Variants in CLASP1 observed in about 807,000 individuals in gnomAD.
The protein encoded by CLASP1 is cytoplasmic linker associated protein 1.
A neutral mutation model predicts 192.3 loss-of-function variants in CLASP1; 38 were observed. That is an observed-to-expected ratio of 0.20 (90% CI 0.15 to 0.26). The LOEUF (loss-of-function observed/expected upper bound fraction) is 0.26, where lower values mean the gene tolerates loss of function less well. Among genes scored for constraint, CLASP1 ranks in the 10% least tolerant of loss-of-function variants. CLASP1 has a pLI of 1.00. For missense variants in CLASP1, 1,433 were observed against 1,932.5 expected, an observed-to-expected ratio of 0.74 and a Z score of 4.85; for synonymous variants, 691 against 712.8, an observed-to-expected ratio of 0.97 and a Z score of 0.49.
At chr2:121,514,746 C>T (rs1271946627) in intron 7 of CLASP1, among the ~76,000 whole-genome samples, 2 of 152,294 alleles carry the variant, frequency 1.3e-5, no homozygotes, top group East Asian at 1.9e-4. Flanking sequence ...CAGTTGACTC[C>T]TGTATATTTC....
At chr2:121,492,835 A>C (rs573444466) in intron 8 of CLASP1, among the ~76,000 whole-genome samples, 5 of 152,286 alleles carry the variant, frequency 3.3e-5, no homozygotes, top group African/African-American at 4.8e-5. Flanking sequence ...CTGGATATAC[A>C]CTCAAAAGAA....
chr2:121,602,167 T>G lies in CLASP1; in HGVS notation c.195+3534A>C, dbSNP rs574927219. On this transcript the variant is annotated intron_variant, in intron 2 of 39. Coordinates refer to ENST00000263710, the Ensembl canonical transcript of CLASP1. ...TCCAGCCTGGGCAAAAGAGCAACAC[T>G]CCATCTCAAAAAAAAAAAAAGAAGA... 1.4e-4 allele frequency among the ~76,000 whole-genome samples: 19 copies of G among 133,576 alleles called. No homozygotes were observed. The South Asian group carries it at 2.8e-3, about 20-fold the overall frequency. The allele number at this position is 133,576 out of a possible 152,430, so 87.6% of individuals were successfully genotyped here.
intron 8 of CLASP1, among the ~76,000 whole-genome samples, chr2:121,486,423 T>C (rs1249459703): frequency 1.3e-5 from 2 of 152,214 alleles, no homozygotes. Context: ...CTGAGTGTCA[T>C]ATTACATAAG....
At chr2:121,433,458 A>C (rs965997540) in intron 19 of CLASP1, among the ~76,000 whole-genome samples, 1 of 152,170 alleles carries the variant, frequency 6.6e-6, no homozygotes, top group African/African-American at 2.4e-5. Context: ...TACATTAATA[A>C]ATTTTAAAGT....
At chr2:121,356,949 GAGATGCTGC>G (rs57399100) in intron 37 of CLASP1, among the ~76,000 whole-genome samples, 30,605 of 152,014 alleles carry the variant, frequency 0.2, 5,744 homozygotes, top group African/African-American at 0.5. Context: ...TGCTGTCCTG[GAGATGCTGC>G]AGAGGCTGGG....
intron 8 of CLASP1, among the ~76,000 whole-genome samples, chr2:121,471,014 A>G (rs1188156341): frequency 6.6e-6 from 1 of 152,248 alleles, no homozygotes; most frequent in Non-Finnish European, 1.5e-5. Context: ...AAATTTTAAA[A>G]AAACACAGCT....
intron 8 of CLASP1, among the ~76,000 whole-genome samples, chr2:121,474,841 A>G (rs2091399231): frequency 6.6e-6 from 1 of 152,208 alleles, no homozygotes; most frequent in Non-Finnish European, 1.5e-5. Flanking sequence ...TTTGGAAACA[A>G]ATCTAACAAG....
chr2:121,643,878 C>T (rs1192464892), intron 1 of CLASP1, among the ~76,000 whole-genome samples: 1 of 152,192 alleles, frequency 6.6e-6, no homozygotes. Context: ...CATCTAAAGG[C>T]TGTTAAAACT....
rs1469119061 is a variant in CLASP1, at chr2:121,482,989, G to A, written c.713-13029C>T. 5.3e-5 allele frequency among the ~76,000 whole-genome samples: 8 copies of A among 152,138 alleles called. 1 individual carries two copies. The highest frequency in any genetic ancestry group is 3.9e-4 in the Admixed American group (6 of 15,276). ...TTGCTAGGTTCGCAGAGCTGGGACC[G>A]TCCTCTAGTCCCCTCCATCAGCCAC... is the stretch of plus-strand genomic sequence containing the variant. On this transcript the variant is annotated intron_variant, in intron 8 of 39. Coordinates refer to ENST00000263710, the Ensembl canonical transcript of CLASP1.
chr2:121,487,135 C>T (rs553708160), intron 8 of CLASP1, among the ~76,000 whole-genome samples: 6 of 152,272 alleles, frequency 3.9e-5, no homozygotes, highest in Admixed American at 3.9e-4. Context: ...TCCTATCTCC[C>T]ACCAGGTCTT....
chr2:121,395,574 T>G (rs543619046), intron 30 of CLASP1, among the ~76,000 whole-genome samples: 5 of 152,316 alleles, frequency 3.3e-5, no homozygotes, highest in African/African-American at 9.6e-5. Context: ...AAATCTCATT[T>G]CTTAAACATG....
At chr2:121,407,294 C>T (rs2077065912) in intron 25 of CLASP1, among the ~76,000 whole-genome samples, 177 bp downstream of exon 26, 1 of 152,014 alleles carries the variant, frequency 6.6e-6, no homozygotes, top group African/African-American at 2.4e-5. Context: ...AAATGGATGG[C>T]AAGGACTGTG....
chr2:121,407,936 T>C (rs1459152083), intron 24 of CLASP1: 2 of 669,790 alleles, frequency 3.0e-6, no homozygotes, highest in East Asian at 3.0e-5. Flanking sequence ...GGAAAGAGTA[T>C]GGCCTCTAGT....
At chr2:121,418,529 G>A in intron 23 of CLASP1, 93 bp downstream of exon 23, 1 of 834,708 alleles carries the variant, frequency 1.2e-6, no homozygotes, top group Admixed American at 1.8e-5. Flanking sequence ...AAGGACAGTA[G>A]AGGAGGAAAA....
At chr2:121,617,797 T>C (rs2066706396) in intron 1 of CLASP1, among the ~76,000 whole-genome samples, 1 of 152,224 alleles carries the variant, frequency 6.6e-6, no homozygotes, top group Non-Finnish European at 1.5e-5. Context: ...CCCCTCACAC[T>C]GCTCACTCCA....
chr2:121,574,364 G>A (rs967600351), intron 2 of CLASP1, among the ~76,000 whole-genome samples: 18 of 150,480 alleles, frequency 1.2e-4, no homozygotes, highest in African/African-American at 3.4e-4. Context: ...GCTGGGCACC[G>A]TGGCTCACAC....
intron 1 of CLASP1, among the ~76,000 whole-genome samples, chr2:121,644,348 TA>T (rs747184836): frequency 5.9e-3 from 795 of 134,084 alleles, no homozygotes; most frequent in African/African-American, 0.01. Flanking sequence ...TAAAGGACAT[TA>T]AAAAAAAAAA....
At chr2:121,642,651 G>T (rs1353568451) in intron 1 of CLASP1, among the ~76,000 whole-genome samples, 2 of 152,096 alleles carry the variant, frequency 1.3e-5, no homozygotes, top group South Asian at 4.1e-4. Context: ...AGAATCGCTT[G>T]AATCCGGGAG....
rs111207641 is a variant in CLASP1, at chr2:121,611,600, A to C, written c.-285-5420T>G. On this transcript the variant is annotated intron_variant, in intron 1 of 39. Coordinates refer to ENST00000263710, the Ensembl canonical transcript of CLASP1. ...GAGGAAGAGGAACTGGAGGAGGAGGAGTTGGAGGAGTTACAGGAGGAAGAG... is the reference window on the plus strand; with the variant it reads ...GAGGAAGAGGAACTGGAGGAGGAGGCGTTGGAGGAGTTACAGGAGGAAGAG... Among the ~76,000 whole-genome samples, 927 of 92,908 alleles carry C rather than the reference A, an allele frequency of 1.0e-2. 1 individual carries two copies. Among genetic ancestry groups the C allele is most frequent in the African/African-American group, 0.036 (459 of 12,890 alleles). 61.0% of individuals were successfully genotyped at this position (92,908 alleles called of 152,430 possible).
Sources: gnomAD v4.1 joint callset for allele counts (sites outside exome capture counted in the v4.1 genomes callset) on GRCh38, gnomAD v4.1.1 for gene constraint, MANE v1.5 for transcripts, NCBI Gene and HGNC (gene_info 2026-07-23, HGNC 2026-07-21) for gene names.